The following PNO1 variants were observed in gnomAD, a reference collection of about 807,000 sequenced individuals.
The protein encoded by PNO1 is partner of NOB1 homolog.
In PNO1, 16 loss-of-function variants were observed where a neutral mutation model predicts 28.4. The observed-to-expected ratio is 0.56, with a 90% CI of 0.38 to 0.85. The LOEUF (loss-of-function observed/expected upper bound fraction) is 0.85, where lower values mean the gene tolerates loss of function less well. PNO1 is among the 40% of genes least tolerant of loss of function. The probability of loss-of-function intolerance (pLI) is 0.00; values close to 1 mark genes in which losing one functional copy is unlikely to be tolerated. For synonymous variants in PNO1, 115 were observed against 110.8 expected (o/e 1.04, Z -0.24); for missense variants, 304 against 312.2 (o/e 0.97, Z 0.20).
At chr2:68,168,912 A>G (rs993037705) in intron 5 of PNO1, among the ~76,000 whole-genome samples, 5 of 139,700 alleles carry the variant, frequency 3.6e-5, no homozygotes, top group Middle Eastern at 3.6e-3. Flanking sequence ...CAAGCAATTC[A>G]GCTTTTTTCT....
chr2:68,173,081 GTCTTT>G (rs763312183), intron 5 of PNO1: 1 of 255,478 alleles, frequency 3.9e-6, no homozygotes, highest in Admixed American at 7.0e-5. Flanking sequence ...TGTCTACAAT[GTCTTT>G]TTTTTTTTTT....
rs1284051702 is a variant in PNO1, at chr2:68,158,076, G to A, written c.142G>A (p.Asp48Asn). The A allele has an allele frequency of 6.2e-7, 1 of 1,613,534 alleles. No individual in the cohort carries two copies. The highest frequency in any genetic ancestry group is 2.2e-5 in the East Asian group (1 of 44,886). Residue 48 changes from aspartate to asparagine, a missense_variant, in exon 1 of 7, where the codon GAC (aspartate) becomes AAC (asparagine). Transcript: ENST00000263657. ...AGAGGGCGGGGATGCGGGCCGCATG[G>A]ACACAGAGGAGGCCAGGCCGGCGAA... ...AGEGGDAGRM[D>N]TEEARPAKRP...
intron 2 of PNO1, among the ~76,000 whole-genome samples, chr2:68,159,729 G>C (rs1423830919): frequency 6.6e-6 from 1 of 152,096 alleles, no homozygotes; most frequent in African/African-American, 2.4e-5. Flanking sequence ...CTAAATAGTT[G>C]ATAAAGTGTA....
At chr2:68,162,353 T>G (rs761962869) in intron 4 of PNO1, 28 bp downstream of exon 4, 2 of 1,559,626 alleles carry the variant, frequency 1.3e-6, no homozygotes, top group Non-Finnish European at 1.8e-6. Flanking sequence ...TGCGCTCTTG[T>G]GTCGCTGACT....
rs887466324 is a variant in PNO1, at chr2:68,158,120, C to T, written c.186C>T (p.Pro62=). Residue 62 remains proline, a synonymous_variant, in exon 1 of 7, where the codon CCC becomes CCT. Coordinates refer to ENST00000263657, the MANE Select transcript of PNO1 (RefSeq NM_020143.4). ...CGGCGAAGAGGCCCGTCTTCCCACC[C>T]CTCTGTGGGGACGGGCTCCTGGTAT... ...ARPAKRPVFP[P]LCGDGLLSGK... The T allele has an allele frequency of 1.9e-6, 3 of 1,605,062 alleles. No homozygotes were observed. The highest frequency in any genetic ancestry group is 1.7e-5 in the Admixed American group (1 of 58,084).
rs377307700 is a variant in PNO1 at position 68,162,918 on chromosome 2, G to A, written c.620+255G>A. The stretch of plus-strand genomic sequence containing the variant: ...AGAACACACATTAGCCTGCAGTTGG[G>A]CAAAGTCATCCGACACAAATTCTAC... On this transcript the variant is annotated intron_variant, in intron 5 of 6. Coordinates refer to ENST00000263657, the MANE Select transcript of PNO1 (RefSeq NM_020143.4). 2.6e-5 allele frequency among the ~76,000 whole-genome samples: 4 copies of A among 152,188 alleles called. No individual in the cohort carries two copies. The East Asian group carries it at 7.7e-4, about 29-fold the overall frequency.
intron 5 of PNO1, among the ~76,000 whole-genome samples, chr2:68,172,721 T>C (rs1184448467): frequency 1.3e-5 from 2 of 152,220 alleles, no homozygotes; most frequent in Admixed American, 6.5e-5. Context: ...GGCAGGCTTT[T>C]TGATTTCTTA....
rs1673728478 is a variant in PNO1, at chr2:68,158,374, T to A, written c.208-6T>A. The A allele has an allele frequency of 6.2e-7, 1 of 1,606,676 alleles. No homozygotes were observed. The highest frequency in any genetic ancestry group is 8.5e-7 in the Non-Finnish European group (1 of 1,177,242). ...CCTTCTGAGTTGTGTGTTCTTTTAT[T>A]TACAGAGTGGGAAAGAAGAAACAAG... On this transcript the variant is annotated splice_region_variant and splice_polypyrimidine_tract_variant and intron_variant, in intron 1 of 6. Transcript: ENST00000263657.
intron 5 of PNO1, among the ~76,000 whole-genome samples, chr2:68,169,074 A>T (rs1674064707): frequency 6.6e-6 from 1 of 151,686 alleles, no homozygotes; most frequent in African/African-American, 2.4e-5. Flanking sequence ...AACTATAGGC[A>T]TTTGCCACCA....
At chr2:68,170,995 C>A (rs1674118287) in intron 5 of PNO1, among the ~76,000 whole-genome samples, 1 of 152,178 alleles carries the variant, frequency 6.6e-6, no homozygotes. Flanking sequence ...CTTTCTGTCA[C>A]TCCGATTTAT....
rs143663936 is a variant in PNO1, at chr2:68,173,384, A to G, written c.658A>G (p.Met220Val). The G allele has an allele frequency of 2.2e-4, 358 of 1,608,576 alleles. No homozygotes were observed. The highest frequency in any genetic ancestry group is 2.9e-4 in the Non-Finnish European group (336 of 1,175,326). Residue 220 changes from methionine (M) to valine (V), a missense_variant, in exon 6 of 7, where the codon ATG (methionine) becomes GTG (valine). Met to Val is a conservative substitution (Grantham distance 21). Coordinates refer to ENST00000263657, the MANE Select transcript of PNO1 (RefSeq NM_020143.4). ...HILGSFQNIKMARTAICNLIL... is the reference protein window; with the variant it reads ...HILGSFQNIKVARTAICNLIL... ...CCTTGGCTCCTTCCAAAATATCAAG[A>G]TGGCAAGAACTGCCATTTGCAACCT... is the stretch of plus-strand genomic sequence containing the variant.
intron 2 of PNO1, chr2:68,161,311 G>T (rs546410345): frequency 1.3e-4 from 60 of 474,740 alleles, no homozygotes; most frequent in South Asian, 8.8e-4. Context: ...AGGGAAGACT[G>T]CCTTGAGAGA....
At position 68,162,378 on chromosome 2, in the gene PNO1, G is replaced by A. The variant is rs1572937431; in HGVS notation, c.502+53G>A. ...TGTCGCTGACTTTGTATTGTGATGT[G>A]ACTCTCAGTTTTCTAATAGCATCAA... On this transcript the variant is annotated intron_variant, in intron 4 of 6. Transcript: ENST00000263657. 4 of 1,382,874 alleles carry A rather than the reference G, an allele frequency of 2.9e-6. No homozygotes were observed. In the East Asian group the frequency reaches 6.9e-5, roughly 24 times the overall value. The allele number at this position is 1,382,874 out of a possible 1,614,324, so 85.7% of individuals were successfully genotyped here. A position where few individuals can be genotyped will look rare whatever the true frequency, so the allele number is the denominator to read the frequency against.
intron 5 of PNO1, among the ~76,000 whole-genome samples, chr2:68,170,578 T>A (rs971293502): frequency 1.2e-4 from 18 of 152,044 alleles, no homozygotes; most frequent in African/African-American, 4.3e-4. Flanking sequence ...AAACCCCGTC[T>A]CTACTAAAAA....
In PNO1 at chr2:68,158,384, G is replaced by A. The variant is rs7590838; in HGVS notation, c.212G>A (p.Gly71Glu). ...PPLCGDGLLS[G>E]KEETRKIPVP... ...TGTGTGTTCTTTTATTTACAGAGTG[G>A]GAAAGAAGAAACAAGGAAAATTCCA... Residue 71 changes from glycine to glutamate, a missense_variant, in exon 2 of 7, where the codon GGG becomes GAG. Gly to Glu is a moderately conservative substitution (Grantham distance 98). Coordinates refer to ENST00000263657, the MANE Select transcript of PNO1 (RefSeq NM_020143.4). 1 of 1,609,394 alleles carries A rather than the reference G, an allele frequency of 6.2e-7. No individual in the cohort carries two copies. Among genetic ancestry groups the A allele is most frequent in the East Asian group, 2.2e-5 (1 of 44,842 alleles).
intron 5 of PNO1, among the ~76,000 whole-genome samples, chr2:68,169,427 C>T (rs1048799931): frequency 6.6e-6 from 1 of 152,166 alleles, no homozygotes; most frequent in African/African-American, 2.4e-5. Flanking sequence ...ATTGGAGAGT[C>T]AAAACTGCTT....
chr2:68,159,254 A>ATG lies in PNO1; in HGVS notation c.357+749_357+750dup, dbSNP rs71825244. Reference sequence around the variant, plus strand: ...ATTTTGATAAGAAACATGCATATATATGTGTGTGTGTGTGTGTGTGTGTGT... The same window carrying ATG: ...ATTTTGATAAGAAACATGCATATATATGTGTGTGTGTGTGTGTGTGTGTGTGT... On this transcript the variant is annotated intron_variant, in intron 2 of 6. Coordinates refer to ENST00000263657, the MANE Select transcript of PNO1 (RefSeq NM_020143.4). Among the ~76,000 whole-genome samples the ATG allele has an allele frequency of 8.9e-3, 1,335 of 150,242 alleles. 11 individuals are homozygous for ATG. Among genetic ancestry groups the ATG allele is most frequent in the Admixed American group, 0.025 (383 of 15,076 alleles).
At chr2:68,174,616 C>T (rs1449413836) in intron 6 of PNO1, 119 bp from the exon 7 acceptor site, 7 of 600,496 alleles carry the variant, frequency 1.2e-5, no homozygotes, top group Non-Finnish European at 2.1e-5. Context: ...ACTTGAGCAT[C>T]CAAGGATTGT....
intron 5 of PNO1, among the ~76,000 whole-genome samples, chr2:68,165,363 C>CAAAAAA (rs770897170): frequency 6.0e-4 from 15 of 24,820 alleles, no homozygotes; most frequent in Non-Finnish European, 8.2e-4. Flanking sequence ...GACTCCGTCT[C>CAAAAAA]AAAAAAAAAA....
Sources: allele counts gnomAD v4.1 joint callset (sites outside exome capture counted in the v4.1 genomes callset), GRCh38; gene constraint gnomAD v4.1.1; transcripts MANE v1.5; gene names NCBI Gene and HGNC (gene_info 2026-07-23, HGNC 2026-07-21).